PCBP3: variants seen among roughly 807,000 people sequenced by gnomAD.
PCBP3 encodes poly(rC) binding protein 3, also known as poly(rC)-binding protein 3.
In PCBP3, 25 loss-of-function variants were observed where a neutral mutation model predicts 52.7. The observed-to-expected ratio is 0.47, with a 90% CI of 0.35 to 0.66. PCBP3 has a LOEUF of 0.66. PCBP3 is among the 30% of genes least tolerant of loss of function. PCBP3 has a pLI of 0.01. For missense variants in PCBP3, 391 were observed against 490.3 expected, an observed-to-expected ratio of 0.80 and a Z score of 1.91; for synonymous variants, 162 against 183.0, an observed-to-expected ratio of 0.89 and a Z score of 0.93.
chr21:45,667,244 G>A (rs2080870767), intron 1 of PCBP3, among the ~76,000 whole-genome samples: 1 of 150,956 alleles, frequency 6.6e-6, no homozygotes, highest in African/African-American at 2.4e-5. Flanking sequence ...CCAACCTTAA[G>A]CCATCCTTCC....
chr21:45,852,356 TGAC>T (rs2094050320), intron 5 of PCBP3, among the ~76,000 whole-genome samples: 1 of 146,816 alleles, frequency 6.8e-6, no homozygotes, highest in Admixed American at 6.7e-5. Context: ...GCAGCCACCC[TGAC>T]TTTTGTTCAG....
At chr21:45,649,537 C>G (rs1380693331) in intron 1 of PCBP3, among the ~76,000 whole-genome samples, 1 of 152,176 alleles carries the variant, frequency 6.6e-6, no homozygotes, top group Non-Finnish European at 1.5e-5. Flanking sequence ...ACAGTCCTTT[C>G]CCCAGTGATC....
intron 4 of PCBP3, among the ~76,000 whole-genome samples, chr21:45,849,046 G>T (rs66523344): frequency 0.14 from 21,132 of 152,100 alleles, 1,629 homozygotes; most frequent in Middle Eastern, 0.28. Context: ...CAAAAATGTA[G>T]GTTCTTTTTA....
rs148603553 is a variant in PCBP3 at position 45,757,163 on chromosome 21, C to T, written c.-126+1711C>T. On this transcript the variant is annotated intron_variant, in intron 4 of 17. Transcript: ENST00000681687. ...TTCCCACCCACATGTGTGAGCGTTC[C>T]GGTTTCCACACATCCTTGTCAACAC... is the stretch of plus-strand genomic sequence containing the variant. Among the ~76,000 whole-genome samples, 575 of 152,290 alleles carry T rather than the reference C, an allele frequency of 3.8e-3. 2 individuals carry two copies. Among genetic ancestry groups the T allele is most frequent in the African/African-American group, 0.013 (537 of 41,546 alleles).
intron 5 of PCBP3, among the ~76,000 whole-genome samples, chr21:45,876,814 A>G (rs1290003710): frequency 6.6e-6 from 1 of 152,216 alleles, no homozygotes; most frequent in African/African-American, 2.4e-5. Flanking sequence ...CAGACAGCTG[A>G]GGCCGTGAGT....
intron 5 of PCBP3, among the ~76,000 whole-genome samples, chr21:45,875,107 A>C (rs882668): frequency 1.3e-5 from 2 of 152,190 alleles, no homozygotes; most frequent in South Asian, 4.1e-4. Flanking sequence ...CCAGGCTCCT[A>C]CCTGGCTCAG....
intron 5 of PCBP3, among the ~76,000 whole-genome samples, chr21:45,859,313 A>T (rs7279198): frequency 0.037 from 503 of 13,594 alleles, 3 homozygotes; most frequent in African/African-American, 0.11. Context: ...GGCGCTGTGC[A>T]GCAGAGGTGG....
intron 2 of PCBP3, among the ~76,000 whole-genome samples, chr21:45,707,305 C>A (rs533282245): frequency 6.6e-5 from 10 of 152,170 alleles, no homozygotes; most frequent in Admixed American, 6.5e-4. Flanking sequence ...CACCTGAGGT[C>A]AGGAGTTCAA....
chr21:45,939,036 C>A (rs34101341), intron 16 of PCBP3, among the ~76,000 whole-genome samples: 7,892 of 152,284 alleles, frequency 0.052, 260 homozygotes, highest in Non-Finnish European at 0.078. Context: ...TCCTGTCACT[C>A]AATTTCACCA....
chr21:45,720,946 G>T (rs998213197), intron 2 of PCBP3, among the ~76,000 whole-genome samples: 1 of 152,242 alleles, frequency 6.6e-6, no homozygotes, highest in African/African-American at 2.4e-5. Context: ...GCCATAGCTT[G>T]GCTGGGTGTG....
intron 4 of PCBP3, among the ~76,000 whole-genome samples, chr21:45,797,730 CGAGTGCG>C (rs1569235753): frequency 1.9e-3 from 22 of 11,720 alleles, no homozygotes; most frequent in South Asian, 4.3e-3. Context: ...CATGGATGGA[CGAGTGCG>C]TGGATCCATA....
At chr21:45,723,296 T>C (rs2084799385) in intron 2 of PCBP3, among the ~76,000 whole-genome samples, 2 of 152,176 alleles carry the variant, frequency 1.3e-5, no homozygotes, top group Admixed American at 6.5e-5. Context: ...GAAGAACTAA[T>C]TCTCCATCAG....
At chr21:45,797,682 ATAGATGGACGAGTG>A in intron 4 of PCBP3, among the ~76,000 whole-genome samples, 2 of 24,602 alleles carry the variant, frequency 8.1e-5, no homozygotes, top group Non-Finnish European at 8.2e-5. Flanking sequence ...GAGTGAATGC[ATAGATGGACGAGTG>A]CATGGATCCA....
chr21:45,806,132 CAG>C (rs1317221276), intron 4 of PCBP3, among the ~76,000 whole-genome samples: 3 of 152,240 alleles, frequency 2.0e-5, no homozygotes, highest in Non-Finnish European at 4.4e-5. Context: ...CAGCTCTGCA[CAG>C]AGTGTGGAAG....
chr21:45,706,740 A>G (rs2083474348), intron 2 of PCBP3, among the ~76,000 whole-genome samples: 1 of 152,226 alleles, frequency 6.6e-6, no homozygotes, highest in Non-Finnish European at 1.5e-5. Flanking sequence ...AGCATCCACC[A>G]TGTGCACTTA....
chr21:45,831,916 G>A (rs2093460561), intron 4 of PCBP3, among the ~76,000 whole-genome samples: 1 of 152,046 alleles, frequency 6.6e-6, no homozygotes, highest in Admixed American at 6.6e-5. Flanking sequence ...TCATAATGTT[G>A]GCCAGGATGG....
At chr21:45,859,018 C>A (rs1433250503) in intron 5 of PCBP3, 1 of 152,390 alleles carries the variant, frequency 6.6e-6, no homozygotes, top group Non-Finnish European at 1.5e-5. Flanking sequence ...GTCCATGAAA[C>A]CTCTTTCCTT....
intron 2 of PCBP3, among the ~76,000 whole-genome samples, chr21:45,691,979 A>T (rs1434606631): frequency 6.6e-6 from 1 of 152,150 alleles, no homozygotes; most frequent in Non-Finnish European, 1.5e-5. Context: ...TGTCTAGGGG[A>T]TAGAGTCACC....
At chr21:45,671,554 A>G (rs1207990820) in intron 2 of PCBP3, among the ~76,000 whole-genome samples, 1 of 152,154 alleles carries the variant, frequency 6.6e-6, no homozygotes, top group East Asian at 1.9e-4. Context: ...GGCATCTATC[A>G]ATGTTTTCTA....
Sources: allele counts gnomAD v4.1 joint callset (sites outside exome capture counted in the v4.1 genomes callset), GRCh38; gene constraint gnomAD v4.1.1; transcripts MANE v1.5; gene names NCBI Gene and HGNC (gene_info 2026-07-23, HGNC 2026-07-21).